SSUH2: variants seen among roughly 807,000 people sequenced by gnomAD.
SSUH2 encodes protein SSUH2 homolog.
SSUH2 carries 47 observed loss-of-function variants against 55.3 expected under a neutral mutation model. The observed-to-expected ratio is 0.85, with a 90% CI of 0.67 to 1.08. The LOEUF (loss-of-function observed/expected upper bound fraction) is 1.08. Among genes scored for constraint, SSUH2 ranks in the 50% least tolerant of loss-of-function variants. The pLI, the probability that SSUH2 is intolerant of heterozygous loss-of-function variation, is 0.00. For synonymous variants in SSUH2, 212 were observed against 191.5 expected (o/e 1.11, Z -0.89); for missense variants, 535 against 490.7 (o/e 1.09, Z -0.85).
intron 4 of SSUH2, 33 bp downstream of exon 4, chr3:8,633,633 G>T: frequency 6.7e-7 from 1 of 1,485,336 alleles, no homozygotes; most frequent in Non-Finnish European, 8.9e-7. Context: ...CCAGCCCCCC[G>T]GCCAAGGCCC....
At chr3:8,660,241 AGC>A (rs1703342501) in intron 6 of SSUH2, among the ~76,000 whole-genome samples, 2 of 152,156 alleles carry the variant, frequency 1.3e-5, no homozygotes, top group African/African-American at 4.8e-5. Context: ...CCATAAAGAG[AGC>A]GCTGGTTAGA....
intron 6 of SSUH2, among the ~76,000 whole-genome samples, chr3:8,629,964 G>T (rs1434350024): frequency 1.3e-5 from 2 of 152,162 alleles, no homozygotes; most frequent in Non-Finnish European, 2.9e-5. Flanking sequence ...GGGGAGACGT[G>T]TTCTGGGAGC....
At chr3:8,681,552 G>A (rs896637520) in intron 1 of SSUH2, among the ~76,000 whole-genome samples, 2 of 147,328 alleles carry the variant, frequency 1.4e-5, no homozygotes, top group Non-Finnish European at 3.0e-5. Context: ...ACCCCCATGG[G>A]GGGCGGGAGG....
chr3:8,655,764 G>A (rs1702875379), intron 7 of SSUH2, among the ~76,000 whole-genome samples: 1 of 152,206 alleles, frequency 6.6e-6, no homozygotes, highest in Admixed American at 6.5e-5. Context: ...TCAGAAAACT[G>A]ATAACACAGC....
At chr3:8,621,786 AC>A (rs1250507427) in intron 11 of SSUH2, among the ~76,000 whole-genome samples, 1 of 152,148 alleles carries the variant, frequency 6.6e-6, no homozygotes, top group Non-Finnish European at 1.5e-5. Flanking sequence ...AGTGCAAAGG[AC>A]CCCAAATAGG....
intron 5 of SSUH2, 91 bp downstream of exon 5, chr3:8,631,954 ATTTG>A: frequency 1.0e-6 from 1 of 973,288 alleles, no homozygotes; most frequent in Non-Finnish European, 1.7e-6. Flanking sequence ...AGACCATCTT[ATTTG>A]AGATGAGTGC....
intron 6 of SSUH2, 82 bp from the exon 7 acceptor site, chr3:8,629,808 GGTGGA>G: frequency 2.2e-6 from 3 of 1,355,970 alleles, no homozygotes; most frequent in Non-Finnish European, 3.2e-6. Context: ...CTAAACCGAA[GGTGGA>G]GTGGATCAGG....
At chr3:8,661,522 T>C (rs1703486758) in intron 6 of SSUH2, among the ~76,000 whole-genome samples, 1 of 152,184 alleles carries the variant, frequency 6.6e-6, no homozygotes, top group Non-Finnish European at 1.5e-5. Flanking sequence ...GATTTTACCC[T>C]ACCTGCAAGC....
At chr3:8,679,231 C>G (rs1234752240) in intron 2 of SSUH2, among the ~76,000 whole-genome samples, 1 of 59,116 alleles carries the variant, frequency 1.7e-5, no homozygotes, top group Non-Finnish European at 3.4e-5. Context: ...CCTCCGTGAG[C>G]GGGGACTGAG....
chr3:8,665,965 AG>A (rs1364530050), intron 5 of SSUH2, among the ~76,000 whole-genome samples: 1 of 152,164 alleles, frequency 6.6e-6, no homozygotes, highest in Admixed American at 6.5e-5. Context: ...TTGTGTTCAG[AG>A]GATCAAGGAG....
upstream of SSUH2, among the ~76,000 whole-genome samples, chr3:8,645,095 A>C (rs915625434): frequency 6.6e-6 from 1 of 152,018 alleles, no homozygotes; most frequent in Non-Finnish European, 1.5e-5. Context: ...CATCAGTCTG[A>C]CTCTCTAGTC....
intron 4 of SSUH2, chr3:8,671,761 T>G (rs1704591517): frequency 6.6e-6 from 1 of 151,872 alleles, no homozygotes; most frequent in African/African-American, 2.4e-5. Flanking sequence ...AGGGTGGTAG[T>G]AGACAAAAGA....
intron 3 of SSUH2, chr3:8,634,122 G>C (rs1238023882): frequency 1.4e-6 from 1 of 705,152 alleles, no homozygotes; most frequent in African/African-American, 1.8e-5. Flanking sequence ...GAAAAACAGA[G>C]GTCCAGAGAG....
chr3:8,644,856 C>T, upstream of SSUH2: 1 of 951,640 alleles, frequency 1.1e-6, no homozygotes, highest in Non-Finnish European at 1.6e-6. Flanking sequence ...GAACAGCAGG[C>T]CCATTGTTAC....
chr3:8,657,951 G>T (rs2640824), intron 7 of SSUH2, among the ~76,000 whole-genome samples: 1 of 152,242 alleles, frequency 6.6e-6, no homozygotes, highest in Admixed American at 6.5e-5. Context: ...CAGGACCGTA[G>T]GCACCCTTCT....
Position 8,677,020 on chromosome 3 carries a change from C to T in SSUH2, c.-753+186G>A, listed in dbSNP as rs576167063. On this transcript the variant is annotated intron_variant, in intron 3 of 18. Transcript: ENST00000317371. ...CCCCCCTGGCTCTTGAGACCTCCATCGCGGTGGGGGGAGGAACCCCCCAGG... is the reference window on the plus strand; with the variant it reads ...CCCCCCTGGCTCTTGAGACCTCCATTGCGGTGGGGGGAGGAACCCCCCAGG... 1.4e-3 allele frequency among the ~76,000 whole-genome samples: 215 copies of T among 148,628 alleles called. 7 individuals carry two copies. The highest frequency in any genetic ancestry group is 4.0e-3 in the Admixed American group (61 of 15,084).
At chr3:8,658,573 G>A (rs772389974) in intron 7 of SSUH2, among the ~76,000 whole-genome samples, 3 of 152,174 alleles carry the variant, frequency 2.0e-5, no homozygotes, top group Admixed American at 6.5e-5. Context: ...TGCTTTGTTC[G>A]GCCGGGTGGT....
chr3:8,635,826 ACT>A lies in SSUH2; in HGVS notation c.58_59del (p.Pro21SerfsTer15). 2 of 1,535,820 alleles carry A rather than the reference ACT, an allele frequency of 1.3e-6. No homozygotes were observed. ...GGAGCTCTGTGGGGGGCGCCAGAGG[ACT>A]CTCGGCCTCAAAACTGAGGTCCACC... is the stretch of plus-strand genomic sequence containing the variant. The part of the protein sequence containing the change: ...SVVDLSFEAE[S>X]PLAPPTELLE... On this transcript the variant is annotated frameshift_variant, in exon 2 of 12. Transcript: ENST00000544814. LOFTEE classifies it high-confidence loss of function.
At position 8,670,530 on chromosome 3, in the gene SSUH2, G is replaced by T. The variant is rs112206855; in HGVS notation, c.-455+468C>A. Among the ~76,000 whole-genome samples, 832 of 152,054 alleles carry T rather than the reference G, an allele frequency of 5.5e-3. 2 individuals carry two copies. Among genetic ancestry groups the T allele is most frequent in the African/African-American group, 0.019 (771 of 41,448 alleles). ...TAGGATATTAGGAATAGTATCACAG[G>T]CGTTGAATACGTATGTCATACACCC... is the stretch of plus-strand genomic sequence containing the variant. On this transcript the variant is annotated intron_variant, in intron 5 of 18. Coordinates refer to the SSUH2 transcript ENST00000317371.
Sources: allele counts gnomAD v4.1 joint callset (sites outside exome capture counted in the v4.1 genomes callset), GRCh38; gene constraint gnomAD v4.1.1; transcripts MANE v1.5; gene names NCBI Gene and HGNC (gene_info 2026-07-23, HGNC 2026-07-21).